The following NPTXR variants were observed in gnomAD, a reference collection of about 807,000 sequenced individuals.
NPTXR encodes the protein neuronal pentraxin receptor.
In NPTXR, 12 loss-of-function variants were observed where a neutral mutation model predicts 32.2. The ratio of observed to expected loss-of-function variants is 0.37; its 90% CI spans 0.24 to 0.60. The LOEUF (loss-of-function observed/expected upper bound fraction) is 0.60. Ranked by LOEUF, NPTXR falls within the 20% of genes least tolerant of loss-of-function variation. The probability of loss-of-function intolerance (pLI) is 0.66; values close to 1 mark genes in which losing one functional copy is unlikely to be tolerated. For missense variants in NPTXR, 612 were observed against 682.9 expected (o/e 0.90, Z 1.16); for synonymous variants, 323 against 315.8 (o/e 1.02, Z -0.24).
intron 1 of NPTXR, among the ~76,000 whole-genome samples, chr22:38,830,896 C>A (rs1200664189): frequency 6.6e-6 from 1 of 152,214 alleles, no homozygotes; most frequent in Non-Finnish European, 1.5e-5. Flanking sequence ...CCCCCCACCT[C>A]TTGTGTAAGA....
At position 38,819,495 on chromosome 22, in the gene NPTXR, T is replaced by C. The variant is rs1351946148; in HGVS notation, c.*3114A>G. 2 of 152,324 alleles carry C rather than the reference T, an allele frequency of 1.3e-5. No individual in the cohort carries two copies. The highest frequency in any genetic ancestry group is 4.8e-5 in the African/African-American group (2 of 41,480). 9.4% of individuals were successfully genotyped at this position (152,324 alleles called of 1,614,324 possible). A position where few individuals can be genotyped will look rare whatever the true frequency, so the allele number is the denominator to read the frequency against. On this transcript the variant is annotated 3_prime_UTR_variant, in exon 5 of 5. Transcript: ENST00000333039. ...GAGCAATGGTGCCCAGATGGCACTC[T>C]ACACAGGTGAGTGGGAACTCAGCCC... is the stretch of plus-strand genomic sequence containing the variant.
intron 1 of NPTXR, among the ~76,000 whole-genome samples, chr22:38,833,684 CT>C (rs1411918757): frequency 1.7e-4 from 20 of 120,016 alleles, no homozygotes; most frequent in Admixed American, 3.2e-4. Context: ...GATGGAGTTT[CT>C]TTTTTTTTTG....
chr22:38,823,690 C>G (rs1286754976), intron 3 of NPTXR, among the ~76,000 whole-genome samples: 1 of 152,212 alleles, frequency 6.6e-6, no homozygotes, highest in African/African-American at 2.4e-5. Context: ...CTGCCACCAA[C>G]CCCTGTGTGA....
At position 38,822,790 on chromosome 22, in the gene NPTXR, C is replaced by T. The variant is rs767059132; in HGVS notation, c.1322G>A (p.Gly441Asp). The change falls in exon 5 of 5, where the codon GGT becomes GAT. Residue 441 changes from glycine (G) to aspartate (D), a missense_variant. By Grantham distance (94) the Gly-to-Asp change is moderately conservative (BLOSUM62 -1). Coordinates refer to ENST00000333039, the MANE Select transcript of NPTXR (RefSeq NM_014293.4). ...CCACAGGTTAAACTGGGCAATGTCA[C>T]CGACAAAGGCCTGGGTGGCATCAAA... 6.2e-7 allele frequency: 1 copy of T among 1,614,124 alleles called. No homozygotes were observed. The highest frequency in any genetic ancestry group is 8.5e-7 in the Non-Finnish European group (1 of 1,180,000).
chr22:38,828,971 T>G (rs1473931747), intron 1 of NPTXR, among the ~76,000 whole-genome samples: 1 of 152,244 alleles, frequency 6.6e-6, no homozygotes, highest in Non-Finnish European at 1.5e-5. Flanking sequence ...AGGCTCTGTA[T>G]GGCCACTGGG....
At chr22:38,833,222 G>A (rs1301076890) in intron 1 of NPTXR, among the ~76,000 whole-genome samples, 1 of 152,230 alleles carries the variant, frequency 6.6e-6, no homozygotes, top group Non-Finnish European at 1.5e-5. Context: ...CAGTGAGGCA[G>A]AGGCTGTTCT....
chr22:38,821,889 G>T lies in NPTXR; in HGVS notation c.*720C>A. The T allele has an allele frequency of 6.5e-6, 1 of 154,340 alleles. No individual in the cohort carries two copies. 9.6% of individuals were successfully genotyped at this position (154,340 alleles called of 1,614,324 possible). On this transcript the variant is annotated 3_prime_UTR_variant, in exon 5 of 5. Transcript: ENST00000333039. ...TGGCCATCACTATGGGTGAGCACAAGGGGTGACTGCAGCCCTTTGGCCTCC... is the reference window on the plus strand; with the variant it reads ...TGGCCATCACTATGGGTGAGCACAATGGGTGACTGCAGCCCTTTGGCCTCC...
In NPTXR at chr22:38,834,102, T is replaced by C. The variant is rs1209407339; in HGVS notation, c.625-5590A>G. Among the ~76,000 whole-genome samples the C allele has an allele frequency of 7.1e-6, 1 of 140,524 alleles. No homozygotes were observed. The highest frequency in any genetic ancestry group is 2.5e-4 in the East Asian group (1 of 4,076). 92.2% of individuals were successfully genotyped at this position (140,524 alleles called of 152,430 possible). On this transcript the variant is annotated intron_variant, in intron 1 of 4. Coordinates refer to ENST00000333039, the MANE Select transcript of NPTXR (RefSeq NM_014293.4). This position sits in a 1 kb window ranked among gnomAD's most constrained non-coding sequence, Gnocchi z 4.4. ...GCTTCTTACCCAGAGCTTCATGAAG[T>C]GGTGTCTCTAATGCTTGAATCTAAA...
rs1379590060 is a variant in NPTXR, at chr22:38,828,292, T to C, written c.845A>G (p.Glu282Gly). The C allele has an allele frequency of 1.2e-6, 2 of 1,613,164 alleles. No homozygotes were observed. Among genetic ancestry groups the C allele is most frequent in the Non-Finnish European group, 8.5e-7 (1 of 1,179,954 alleles). The change falls in exon 2 of 5, where the codon GAG becomes GGG. Residue 282 changes from glutamate to glycine, a missense_variant. By Grantham distance (98) the Glu-to-Gly change is moderately conservative. Transcript: ENST00000333039. Reference sequence around the variant, plus strand: ...CTGCAGGACCCAGGACCCACCGTGCTCCAGCTCAGCCACACGACCCTGCAG... The same window carrying C: ...CTGCAGGACCCAGGACCCACCGTGCCCCAGCTCAGCCACACGACCCTGCAG...
At chr22:38,831,506 T>C (rs914280886) in intron 1 of NPTXR, among the ~76,000 whole-genome samples, 30 of 152,242 alleles carry the variant, frequency 2.0e-4, no homozygotes, top group Admixed American at 1.9e-3. Context: ...AAAAGCATAA[T>C]GCCAACTGTG....
In NPTXR at chr22:38,843,909, G is replaced by C; in HGVS notation, c.-51C>G. 1.0e-6 allele frequency: 1 copy of C among 963,290 alleles called. No individual in the cohort carries two copies. Among genetic ancestry groups the C allele is most frequent in the Non-Finnish European group, 1.2e-6 (1 of 812,386 alleles). 59.7% of individuals were successfully genotyped at this position (963,290 alleles called of 1,614,324 possible). A position where few individuals can be genotyped will look rare whatever the true frequency, so the allele number is the denominator to read the frequency against. On this transcript the variant is annotated 5_prime_UTR_variant, in exon 1 of 5. Coordinates refer to ENST00000333039, the MANE Select transcript of NPTXR (RefSeq NM_014293.4). This position sits in a 1 kb window ranked among gnomAD's most constrained non-coding sequence, Gnocchi z 5.3. ...GAGGCCCCCGGCAGGCGCGGCGGCG[G>C]GGTCGGGGCGCGGAGCCCGGGCGCG... is the stretch of plus-strand genomic sequence containing the variant.
chr22:38,837,299 G>T (rs148042310), intron 1 of NPTXR, among the ~76,000 whole-genome samples: 4 of 152,306 alleles, frequency 2.6e-5, no homozygotes, highest in African/African-American at 9.6e-5. Flanking sequence ...GGGGCACTGT[G>T]GGGGAGGGAG....
chr22:38,823,385 A>G, intron 3 of NPTXR, 123 bp from the exon 4 acceptor site: 1 of 778,904 alleles, frequency 1.3e-6, no homozygotes, highest in Non-Finnish European at 2.0e-6. Flanking sequence ...CCCAGGCCTG[A>G]CCCTCTCCAT....
At chr22:38,829,319 TCA>T (rs1351122067) in intron 1 of NPTXR, among the ~76,000 whole-genome samples, 1 of 152,086 alleles carries the variant, frequency 6.6e-6, no homozygotes, top group Admixed American at 6.6e-5. Context: ...GTCTAAGTGT[TCA>T]GAGTTCCCCA....
At chr22:38,828,123 TGATAAC>T (rs2093110246) in intron 2 of NPTXR, among the ~76,000 whole-genome samples, 158 bp downstream of exon 2, 1 of 152,216 alleles carries the variant, frequency 6.6e-6, no homozygotes, top group South Asian at 2.1e-4. Flanking sequence ...ATGTTGATAA[TGATAAC>T]AATATCCCCC....
chr22:38,826,595 C>T lies in NPTXR; in HGVS notation c.1003G>A (p.Gly335Ser), dbSNP rs758866290. Residue 335 changes from glycine (G) to serine (S), a missense_variant, in exon 3 of 5, where the codon GGC (glycine) becomes AGC (serine). Gly to Ser is a moderately conservative substitution (Grantham distance 56, BLOSUM62 0). Transcript: ENST00000333039. The stretch of plus-strand genomic sequence containing the variant: ...GGCACTGAGTAGGAGAAGGGGGTGC[C>T]CTGGCCGGTGCCGCTGGACCTGGAC... 7.4e-6 allele frequency: 12 copies of T among 1,614,128 alleles called. No homozygotes were observed. Among genetic ancestry groups the T allele is most frequent in the Non-Finnish European group, 1.0e-5 (12 of 1,180,052 alleles).
rs2093133889 is a variant in NPTXR, at chr22:38,843,076, G to GTAT, written c.624+158_624+159insATA. ...CAGTCACCGTGCCAGACGCCTGCCCGCGTTCCCTATCGAAATCCCCCCGCC... is the reference window on the plus strand; with the variant it reads ...CAGTCACCGTGCCAGACGCCTGCCCGTATCGTTCCCTATCGAAATCCCCCCGCC... On this transcript the variant is annotated intron_variant, in intron 1 of 4. Coordinates refer to ENST00000333039, the MANE Select transcript of NPTXR (RefSeq NM_014293.4). The surrounding 1 kb of genome is among the most constrained non-coding windows in gnomAD (Gnocchi z 5.3). Among the ~76,000 whole-genome samples the GTAT allele has an allele frequency of 1.3e-5, 2 of 152,198 alleles. No individual in the cohort carries two copies. Among genetic ancestry groups the GTAT allele is most frequent in the Non-Finnish European group, 2.9e-5 (2 of 68,018 alleles).
chr22:38,837,486 A>G (rs2093125720), intron 1 of NPTXR, among the ~76,000 whole-genome samples: 1 of 152,280 alleles, frequency 6.6e-6, no homozygotes, highest in South Asian at 2.1e-4. Flanking sequence ...AGTCAGAGAA[A>G]AACAAAGACA....
At chr22:38,831,657 T>C (rs1194365299) in intron 1 of NPTXR, among the ~76,000 whole-genome samples, 1 of 151,674 alleles carries the variant, frequency 6.6e-6, no homozygotes, top group African/African-American at 2.4e-5. Context: ...ACTGAGGCAA[T>C]CAGCTCAAGG....
Sources: gnomAD v4.1 joint callset for allele counts (sites outside exome capture counted in the v4.1 genomes callset) on GRCh38, gnomAD v4.1.1 for gene constraint, Gnocchi (gnomAD v3.1) non-coding constraint, MANE v1.5 for transcripts, NCBI Gene and HGNC (gene_info 2026-07-23, HGNC 2026-07-21) for gene names.